The following CSMD1 variants were observed in gnomAD, a reference collection of about 807,000 sequenced individuals.
CSMD1 encodes the protein CUB and Sushi multiple domains 1.
A neutral mutation model predicts 417.5 loss-of-function variants in CSMD1; 213 were observed. The observed-to-expected ratio is 0.51, with a 90% confidence interval of 0.46 to 0.57. CSMD1 has a LOEUF of 0.57. Ranked by LOEUF, CSMD1 falls within the 20% of genes least tolerant of loss-of-function variation. The pLI, the probability that CSMD1 is intolerant of heterozygous loss-of-function variation, is 0.00. For missense variants in CSMD1, 6,923 were observed against 4,529.7 expected, an observed-to-expected ratio of 1.53 and a Z score of -15.17; for synonymous variants, 2,862 against 1,736.8, an observed-to-expected ratio of 1.65 and a Z score of -16.11.
chr8:3,370,977 A>G (rs1809909703), intron 18 of CSMD1, among the ~76,000 whole-genome samples: 2 of 147,864 alleles, frequency 1.4e-5, no homozygotes, highest in Non-Finnish European at 3.0e-5. Context: ...AACTCCATCA[A>G]AAAAAAAAAG....
At chr8:3,194,882 G>A (rs957780323) in intron 33 of CSMD1, among the ~76,000 whole-genome samples, 2 of 152,078 alleles carry the variant, frequency 1.3e-5, no homozygotes, top group African/African-American at 4.8e-5. Flanking sequence ...CTTCAGGTGA[G>A]GAGCCTGGGA....
At chr8:3,248,883 C>G (rs1800072321) in intron 26 of CSMD1, among the ~76,000 whole-genome samples, 1 of 152,014 alleles carries the variant, frequency 6.6e-6, no homozygotes, top group Non-Finnish European at 1.5e-5. Context: ...GTCCTTGATT[C>G]CCGCAGCTCT....
intron 1 of CSMD1, among the ~76,000 whole-genome samples, chr8:4,712,879 C>T (rs1808399973): frequency 6.6e-6 from 1 of 152,104 alleles, no homozygotes; most frequent in East Asian, 1.9e-4. Flanking sequence ...ACATCCATGC[C>T]GATGGATGGA....
chr8:3,602,049 A>T (rs180982369), intron 8 of CSMD1, among the ~76,000 whole-genome samples: 90 of 152,284 alleles, frequency 5.9e-4, no homozygotes, highest in African/African-American at 2.0e-3. Flanking sequence ...GCAGGATAAA[A>T]AGAATTCTGG....
intron 54 of CSMD1, among the ~76,000 whole-genome samples, chr8:2,984,481 T>C (rs1300906047): frequency 1.3e-5 from 2 of 152,284 alleles, no homozygotes; most frequent in Non-Finnish European, 1.5e-5. Context: ...CCTGAATAGC[T>C]GTGATTACAG....
intron 6 of CSMD1, among the ~76,000 whole-genome samples, chr8:3,712,388 GAGAGAGAGAGAGACAGACAGAC>G (rs886565398): frequency 4.7e-5 from 2 of 42,970 alleles, no homozygotes; most frequent in African/African-American, 7.6e-5. Context: ...GAGAGAGAGA[GAGAGAGAGAGAGACAGACAGAC>G]AGACAGACAG....
In CSMD1 at chr8:3,151,921, G is replaced by A. The variant is rs79197291; in HGVS notation, c.5915-408C>T. On this transcript the variant is annotated intron_variant, in intron 39 of 69. Transcript: ENST00000635120. ...TGTGCCTAGATAAATACATTGCATA[G>A]ATTAACTCACATAGCAACCCTGAAA... 4.6e-3 allele frequency among the ~76,000 whole-genome samples: 694 copies of A among 152,278 alleles called. 13 individuals carry two copies. The South Asian group carries it at 0.046, about 10-fold the overall frequency.
At chr8:4,353,797 A>G (rs1421565786) in intron 3 of CSMD1, among the ~76,000 whole-genome samples, 1 of 152,126 alleles carries the variant, frequency 6.6e-6, no homozygotes, top group Non-Finnish European at 1.5e-5. Context: ...TGGCTTATAA[A>G]TGGCTCGATC....
chr8:4,054,848 T>G (rs1282011389), intron 3 of CSMD1, among the ~76,000 whole-genome samples: 3 of 152,140 alleles, frequency 2.0e-5, no homozygotes, highest in Non-Finnish European at 4.4e-5. Flanking sequence ...GCCCACTGTT[T>G]GGAGAGAATG....
At chr8:3,380,981 G>A (rs1810593717) in intron 18 of CSMD1, among the ~76,000 whole-genome samples, 1 of 152,118 alleles carries the variant, frequency 6.6e-6, no homozygotes, top group South Asian at 2.1e-4. Context: ...GTACTTGAAT[G>A]CACAGGTATG....
chr8:3,593,043 G>A (rs542548430), intron 8 of CSMD1, among the ~76,000 whole-genome samples: 7 of 152,312 alleles, frequency 4.6e-5, no homozygotes, highest in Admixed American at 4.6e-4. Context: ...GAGGCTGGAA[G>A]CCCTGGCTGG....
At chr8:4,119,558 G>T (rs896050863) in intron 3 of CSMD1, among the ~76,000 whole-genome samples, 5 of 149,422 alleles carry the variant, frequency 3.3e-5, no homozygotes, top group African/African-American at 1.2e-4. Context: ...AGGCCTTAAG[G>T]GTGTAGACCA....
chr8:3,747,530 G>C (rs887638686), intron 6 of CSMD1, among the ~76,000 whole-genome samples: 5 of 151,388 alleles, frequency 3.3e-5, no homozygotes, highest in African/African-American at 9.7e-5. Flanking sequence ...TTGTATGTGA[G>C]AGTCATCCAT....
At chr8:4,343,785 C>CCGT (rs1800622509) in intron 3 of CSMD1, among the ~76,000 whole-genome samples, 1 of 152,110 alleles carries the variant, frequency 6.6e-6, no homozygotes, top group African/African-American at 2.4e-5. Flanking sequence ...CCTACACGTT[C>CCGT]CGTATTAGAA....
chr8:3,970,677 T>C (rs1052441509), intron 5 of CSMD1, among the ~76,000 whole-genome samples: 2 of 152,198 alleles, frequency 1.3e-5, no homozygotes, highest in African/African-American at 2.4e-5. Context: ...GTGGAACCTC[T>C]AATAAAATGT....
intron 3 of CSMD1, among the ~76,000 whole-genome samples, chr8:4,194,414 G>T (rs149713748): frequency 6.6e-6 from 1 of 152,132 alleles, no homozygotes; most frequent in Non-Finnish European, 1.5e-5. Context: ...ACTCCAAATA[G>T]CTTGTAAAAT....
At chr8:3,487,254 T>C (rs950222490) in intron 11 of CSMD1, among the ~76,000 whole-genome samples, 6 of 152,138 alleles carry the variant, frequency 3.9e-5, no homozygotes, top group African/African-American at 9.7e-5. Context: ...CAGGCTGGAG[T>C]GCAGTGGCGC....
chr8:4,360,588 C>T (rs993155230), intron 3 of CSMD1, among the ~76,000 whole-genome samples: 1 of 152,148 alleles, frequency 6.6e-6, no homozygotes, highest in Non-Finnish European at 1.5e-5. Context: ...CTCCCAGGTT[C>T]ACGTCATTCT....
chr8:3,926,053 TACACACACACACACACACACAAACACC>T (rs1809658159), intron 5 of CSMD1, among the ~76,000 whole-genome samples: 10 of 87,818 alleles, frequency 1.1e-4, no homozygotes, highest in African/African-American at 3.6e-4. Flanking sequence ...AAACACCATA[TACACACACACACACACACACAAACACC>T]ATACACACAC....
Sources: gnomAD v4.1 joint callset for allele counts (sites outside exome capture counted in the v4.1 genomes callset) on GRCh38, gnomAD v4.1.1 for gene constraint, MANE v1.5 for transcripts, NCBI Gene and HGNC (gene_info 2026-07-23, HGNC 2026-07-21) for gene names.